HERC1: variants seen among roughly 807,000 people sequenced by gnomAD.
HERC1 encodes the protein probable E3 ubiquitin-protein ligase HERC1.
A neutral mutation model predicts 554.3 loss-of-function variants in HERC1; 160 were observed. The ratio of observed to expected loss-of-function variants is 0.29; its 90% CI spans 0.25 to 0.33. The LOEUF is 0.33. Among genes scored for constraint, HERC1 ranks in the 10% least tolerant of loss-of-function variants. The pLI, the probability that HERC1 is intolerant of heterozygous loss-of-function variation, is 1.00. For synonymous variants in HERC1, 2,175 were observed against 2,131.7 expected, an observed-to-expected ratio of 1.02 and a Z score of -0.56; for missense variants, 4,919 against 5,918.5, an observed-to-expected ratio of 0.83 and a Z score of 5.54.
chr15:63,803,645 T>A (rs74019023), intron 1 of HERC1, among the ~76,000 whole-genome samples: 4,697 of 152,280 alleles, frequency 0.031, 99 homozygotes, highest in African/African-American at 0.065. Context: ...CAATTGCCAA[T>A]TCAGTTCCTT....
chr15:63,747,288 C>T (rs1341697643), intron 11 of HERC1, among the ~76,000 whole-genome samples: 4 of 152,020 alleles, frequency 2.6e-5, no homozygotes, highest in African/African-American at 9.7e-5. Context: ...GGCAAAACCC[C>T]GCCTCTACTA....
intron 69 of HERC1, among the ~76,000 whole-genome samples, chr15:63,630,215 T>C (rs1281714381): frequency 6.6e-6 from 1 of 152,166 alleles, no homozygotes; most frequent in Non-Finnish European, 1.5e-5. Flanking sequence ...CACACATAAA[T>C]ACTCAGCCAA....
chr15:63,649,941 T>C lies in HERC1; in HGVS notation c.10547-16A>G, dbSNP rs1166552902. 6.5e-7 allele frequency: 1 copy of C among 1,548,126 alleles called. No homozygotes were observed. The highest frequency in any genetic ancestry group is 8.8e-7 in the Non-Finnish European group (1 of 1,138,234). On this transcript the variant is annotated splice_polypyrimidine_tract_variant and intron_variant, in intron 53 of 77. Transcript: ENST00000443617. ...CCTTTTCCTCCTAAAAGGGAAAAAA[T>C]GTTAACTAGTTTTTACTTAATTCTT...
chr15:63,757,899 A>G (rs888548933), intron 4 of HERC1, among the ~76,000 whole-genome samples: 1 of 151,654 alleles, frequency 6.6e-6, no homozygotes, highest in African/African-American at 2.4e-5. Flanking sequence ...TAGTAGAGAT[A>G]GGGTTTCACC....
chr15:63,770,473 C>T (rs1312821871), intron 2 of HERC1, among the ~76,000 whole-genome samples: 1 of 152,184 alleles, frequency 6.6e-6, no homozygotes, highest in Admixed American at 6.5e-5. Flanking sequence ...CAGTGCCTAG[C>T]AGTATCTGGC....
rs199512402 is a variant in HERC1, at chr15:63,683,482, A to G, written c.6226-2706T>C. 5.9e-5 allele frequency among the ~76,000 whole-genome samples: 9 copies of G among 152,310 alleles called. No individual in the cohort carries two copies. The East Asian group carries it at 1.7e-3, about 29-fold the overall frequency. On this transcript the variant is annotated intron_variant, in intron 34 of 77. Transcript: ENST00000443617. ...AACATTCAGTGGCTAACGAGTTCTT[A>G]TAAAATCATATGTCTAACACTTACA...
intron 1 of HERC1, among the ~76,000 whole-genome samples, chr15:63,812,514 G>A (rs1036862427): frequency 9.9e-5 from 15 of 152,150 alleles, no homozygotes; most frequent in Non-Finnish European, 1.6e-4. Context: ...TGATTCAAAA[G>A]GAAATGGGAA....
chr15:63,638,396 T>G lies in HERC1; in HGVS notation c.12093+15A>C, dbSNP rs1221866757. 6.2e-7 allele frequency: 1 copy of G among 1,605,222 alleles called. No homozygotes were observed. The highest frequency in any genetic ancestry group is 8.5e-7 in the Non-Finnish European group (1 of 1,177,146). On this transcript the variant is annotated intron_variant, in intron 63 of 77. Coordinates refer to ENST00000443617, the MANE Select transcript of HERC1 (RefSeq NM_003922.4). Reference sequence around the variant, plus strand: ...GTTCCCATGTTTCTTTTCTATTTTTTATCCTGTTAGTTACCTGTTGGGCCT... The same window carrying G: ...GTTCCCATGTTTCTTTTCTATTTTTGATCCTGTTAGTTACCTGTTGGGCCT...
rs146113520 is a variant in HERC1, at chr15:63,707,011, G to A, written c.4585-180C>T. On this transcript the variant is annotated intron_variant, in intron 24 of 77. Coordinates refer to ENST00000443617, the MANE Select transcript of HERC1 (RefSeq NM_003922.4). The stretch of plus-strand genomic sequence containing the variant: ...AACCCACTGAACATAGCTATAAGGA[G>A]GCTCAAGCACATATAACTCTGAAAC... Among the ~76,000 whole-genome samples, 4 of 152,204 alleles carry A rather than the reference G, an allele frequency of 2.6e-5. No homozygotes were observed. The East Asian group carries it at 5.8e-4, about 22-fold the overall frequency.
intron 2 of HERC1, among the ~76,000 whole-genome samples, chr15:63,773,338 G>A (rs771663152): frequency 2.0e-5 from 3 of 151,084 alleles, no homozygotes; most frequent in Non-Finnish European, 4.4e-5. Context: ...CAGCTACTCG[G>A]GAGGCTGAGG....
At chr15:63,678,568 GC>G (rs1258344445) in intron 36 of HERC1, among the ~76,000 whole-genome samples, 1 of 152,082 alleles carries the variant, frequency 6.6e-6, no homozygotes, top group Non-Finnish European at 1.5e-5. Context: ...GGAATAAGCT[GC>G]CCTGTTATTT....
chr15:63,628,962 T>C, intron 69 of HERC1, 147 bp from the exon 70 acceptor site: 1 of 752,392 alleles, frequency 1.3e-6, no homozygotes, highest in Non-Finnish European at 2.1e-6. Flanking sequence ...TCTTTTTTTT[T>C]TTTTTTGAGA....
chr15:63,745,282 T>C (rs1394810763), intron 12 of HERC1, among the ~76,000 whole-genome samples: 1 of 152,172 alleles, frequency 6.6e-6, no homozygotes, highest in Non-Finnish European at 1.5e-5. Flanking sequence ...GTATGTCACC[T>C]GCCCCTCTGT....
intron 1 of HERC1, among the ~76,000 whole-genome samples, chr15:63,795,436 G>A (rs1220053666): frequency 6.6e-6 from 1 of 151,772 alleles, no homozygotes; most frequent in East Asian, 1.9e-4. Flanking sequence ...AAAATTGAGA[G>A]GAAAAAATAT....
intron 1 of HERC1, among the ~76,000 whole-genome samples, chr15:63,830,476 A>C (rs1596346041): frequency 6.6e-6 from 1 of 152,218 alleles, no homozygotes; most frequent in Non-Finnish European, 1.5e-5. Context: ...GAAATGAAGA[A>C]GACACAACAA....
chr15:63,725,642 A>T (rs760053774), intron 17 of HERC1, 129 bp from the exon 18 acceptor site: 1 of 673,110 alleles, frequency 1.5e-6, no homozygotes, highest in African/African-American at 1.8e-5. Flanking sequence ...AACACAAATT[A>T]TAATACTTTC....
intron 69 of HERC1, among the ~76,000 whole-genome samples, chr15:63,629,277 C>G (rs541264046): frequency 6.6e-6 from 1 of 152,254 alleles, no homozygotes; most frequent in East Asian, 1.9e-4. Context: ...TTCTGATTTT[C>G]TTTATCATAA....
intron 12 of HERC1, among the ~76,000 whole-genome samples, chr15:63,742,645 TA>T (rs2141418591): frequency 6.6e-6 from 1 of 152,334 alleles, no homozygotes; most frequent in Admixed American, 6.5e-5. Flanking sequence ...AGTTCCCTTC[TA>T]TTCCTAGTTT....
intron 1 of HERC1, among the ~76,000 whole-genome samples, chr15:63,815,016 C>G (rs1018409928): frequency 6.6e-6 from 1 of 152,202 alleles, no homozygotes; most frequent in Non-Finnish European, 1.5e-5. Context: ...ATTTCTAAAT[C>G]TGAAATTCTG....
Sources: gnomAD v4.1 joint callset for allele counts (sites outside exome capture counted in the v4.1 genomes callset) on GRCh38, gnomAD v4.1.1 for gene constraint, MANE v1.5 for transcripts, NCBI Gene and HGNC (gene_info 2026-07-23, HGNC 2026-07-21) for gene names.